The following SRBD1 variants were observed in gnomAD, a reference collection of about 807,000 sequenced individuals.
The protein encoded by SRBD1 is S1 RNA-binding domain-containing protein 1.
In SRBD1, 88 loss-of-function variants were observed where a neutral mutation model predicts 115.3. That is an observed-to-expected ratio of 0.76 (90% CI 0.64 to 0.91). The LOEUF (loss-of-function observed/expected upper bound fraction) is 0.91, where lower values mean the gene tolerates loss of function less well. Ranked by LOEUF, SRBD1 falls within the 40% of genes least tolerant of loss-of-function variation. The pLI is 0.00. For missense variants in SRBD1, 1,385 were observed against 1,177.4 expected, an observed-to-expected ratio of 1.18 and a Z score of -2.58; for synonymous variants, 509 against 407.7, an observed-to-expected ratio of 1.25 and a Z score of -2.99.
intron 14 of SRBD1, among the ~76,000 whole-genome samples, chr2:45,526,193 A>G (rs72792788): frequency 0.033 from 4,977 of 152,186 alleles, 106 homozygotes; most frequent in Non-Finnish European, 0.05. Context: ...CAAAGAGTGG[A>G]AATAACTCAA....
At chr2:45,473,689 T>A (rs1392993150) in intron 16 of SRBD1, among the ~76,000 whole-genome samples, 1 of 144,142 alleles carries the variant, frequency 6.9e-6, no homozygotes, top group Non-Finnish European at 1.6e-5. Flanking sequence ...AATCTCATTC[T>A]TTCCTTTGCA....
At chr2:45,475,274 G>T (rs1669771831) in intron 16 of SRBD1, among the ~76,000 whole-genome samples, 1 of 152,126 alleles carries the variant, frequency 6.6e-6, no homozygotes, top group South Asian at 2.1e-4. Flanking sequence ...CATCTTTACT[G>T]CCATTAACTT....
chr2:45,402,629 G>C (rs551357229), intron 19 of SRBD1, among the ~76,000 whole-genome samples: 1 of 152,262 alleles, frequency 6.6e-6, no homozygotes, highest in South Asian at 2.1e-4. Flanking sequence ...ACAAATACTA[G>C]CTAATGCTTT....
intron 16 of SRBD1, among the ~76,000 whole-genome samples, chr2:45,461,836 A>C (rs1052702935): frequency 6.6e-6 from 1 of 152,138 alleles, no homozygotes; most frequent in Non-Finnish European, 1.5e-5. Flanking sequence ...ATATTGACTT[A>C]TTCTGTGGAG....
intron 14 of SRBD1, among the ~76,000 whole-genome samples, chr2:45,528,006 G>A (rs1403040189): frequency 6.6e-6 from 1 of 151,868 alleles, no homozygotes; most frequent in Non-Finnish European, 1.5e-5. Context: ...AGATTTAGCT[G>A]AGGCAATTTT....
In SRBD1 at chr2:45,551,243, C is replaced by T. The variant is rs1672289220; in HGVS notation, c.1557G>A (p.Met519Ile). 1 of 1,610,314 alleles carries T rather than the reference C, an allele frequency of 6.2e-7. No homozygotes were observed. Among genetic ancestry groups the T allele is most frequent in the Admixed American group, 1.7e-5 (1 of 58,800 alleles). The change falls in exon 12 of 21, where the codon ATG becomes ATA. Residue 519 changes from methionine to isoleucine, a missense_variant. By Grantham distance (10) the Met-to-Ile change is conservative (BLOSUM62 1). Coordinates refer to ENST00000263736, the MANE Select transcript of SRBD1 (RefSeq NM_018079.5). ...GCTGACGAAGGTTCCGTCCAAACAT[C>T]ATTACTGATTCCTTCTCTGCATCTG... ...LTSDAEKESV[M>I]MFGRNLRQLL...
chr2:45,488,306 T>C lies in SRBD1; in HGVS notation c.1900A>G (p.Ile634Val), dbSNP rs756586662. ...TTAGCTTCAGGGCTGACACTGTAGA[T>C]TGATGCTCCTGCTTCACTGACGATA... is the stretch of plus-strand genomic sequence containing the variant. ...YCIVSEAGAS[I>V]YSVSPEANKE... is the part of the protein sequence containing the mutation. Residue 634 changes from isoleucine to valine, a missense_variant, in exon 15 of 21, where the codon ATC becomes GTC. Ile to Val is a conservative substitution (Grantham distance 29). Transcript: ENST00000263736. The C allele has an allele frequency of 1.4e-5, 23 of 1,613,770 alleles. No individual in the cohort carries two copies. Among genetic ancestry groups the C allele is most frequent in the Non-Finnish European group, 1.8e-5 (21 of 1,179,952 alleles).
chr2:45,529,969 T>TAAA, intron 14 of SRBD1, among the ~76,000 whole-genome samples: 1 of 151,962 alleles, frequency 6.6e-6, no homozygotes. Context: ...GGACATAACT[T>TAAA]AAAATAGGAA....
chr2:45,537,589 A>G (rs1274998553), intron 14 of SRBD1, among the ~76,000 whole-genome samples: 1 of 152,190 alleles, frequency 6.6e-6, no homozygotes, highest in African/African-American at 2.4e-5. Context: ...CAACAATAGC[A>G]ATCATTCATC....
At chr2:45,508,138 A>G (rs1294327069) in intron 14 of SRBD1, among the ~76,000 whole-genome samples, 1 of 152,198 alleles carries the variant, frequency 6.6e-6, no homozygotes, top group African/African-American at 2.4e-5. Context: ...TTAAATGTAT[A>G]TATTCTTGAA....
chr2:45,609,690 C>T (rs893851908), intron 1 of SRBD1, among the ~76,000 whole-genome samples: 14 of 152,136 alleles, frequency 9.2e-5, no homozygotes, highest in African/African-American at 2.9e-4. Flanking sequence ...TATTCTTCCC[C>T]CTGCTTGTCA....
chr2:45,511,386 T>C (rs926678646), intron 14 of SRBD1, among the ~76,000 whole-genome samples: 11 of 152,202 alleles, frequency 7.2e-5, no homozygotes, highest in South Asian at 2.1e-4. Context: ...TGAATTTTTA[T>C]AGTACATTTA....
intron 9 of SRBD1, among the ~76,000 whole-genome samples, chr2:45,569,739 C>T (rs1034622275): frequency 2.0e-5 from 3 of 152,160 alleles, no homozygotes; most frequent in Middle Eastern, 3.2e-3. Flanking sequence ...ATAGGACCCA[C>T]CTCTTTGCAT....
At chr2:45,405,735 C>T (rs1667416133) in intron 19 of SRBD1, among the ~76,000 whole-genome samples, 1 of 104,228 alleles carries the variant, frequency 9.6e-6, no homozygotes, top group South Asian at 3.1e-4. Flanking sequence ...TTGATAGTGT[C>T]AAATGTGGCA....
At chr2:45,435,554 C>A (rs1172528398) in intron 16 of SRBD1, among the ~76,000 whole-genome samples, 1 of 117,520 alleles carries the variant, frequency 8.5e-6, no homozygotes, top group Non-Finnish European at 1.8e-5. Flanking sequence ...CAACACAAGG[C>A]CAGGGGAAAA....
At chr2:45,504,536 G>A (rs755775253) in intron 14 of SRBD1, among the ~76,000 whole-genome samples, 2 of 152,074 alleles carry the variant, frequency 1.3e-5, no homozygotes, top group East Asian at 1.9e-4. Flanking sequence ...AAAGCATACA[G>A]CCAATTATAA....
In SRBD1 at chr2:45,526,288, C is replaced by T. The variant is rs529663067; in HGVS notation, c.1874+20444G>A. 4.6e-5 allele frequency among the ~76,000 whole-genome samples: 7 copies of T among 152,122 alleles called. No homozygotes were observed. The South Asian group carries it at 1.2e-3, about 27-fold the overall frequency. On this transcript the variant is annotated intron_variant, in intron 14 of 20. Transcript: ENST00000263736. Reference sequence around the variant, plus strand: ...TTCGGCCATAAAAAGGAATGAAGTTCTGATACATGCTATGACATGAATGAA... The same window carrying T: ...TTCGGCCATAAAAAGGAATGAAGTTTTGATACATGCTATGACATGAATGAA...
At chr2:45,594,596 A>G (rs897579043) in intron 4 of SRBD1, among the ~76,000 whole-genome samples, 1 of 152,230 alleles carries the variant, frequency 6.6e-6, no homozygotes, top group Admixed American at 6.5e-5. Context: ...TTCTGTCAAA[A>G]GACCTGGTGA....
chr2:45,418,607 T>G, intron 17 of SRBD1, 66 bp from the exon 18 acceptor site: 2 of 1,453,166 alleles, frequency 1.4e-6, no homozygotes, highest in Non-Finnish European at 1.8e-6. Flanking sequence ...TATAAAACAT[T>G]TGGATCATAA....
Sources: allele counts gnomAD v4.1 joint callset (sites outside exome capture counted in the v4.1 genomes callset), GRCh38; gene constraint gnomAD v4.1.1; transcripts MANE v1.5; gene names NCBI Gene and HGNC (gene_info 2026-07-23, HGNC 2026-07-21).